The following SPHKAP variants were observed in gnomAD, a reference collection of about 807,000 sequenced individuals.
The protein encoded by SPHKAP is SPHK1 interactor, AKAP domain containing.
SPHKAP carries 67 observed loss-of-function variants against 137.5 expected under a neutral mutation model. The ratio of observed to expected loss-of-function variants is 0.49; its 90% CI spans 0.40 to 0.60. SPHKAP has a LOEUF of 0.60. Among genes scored for constraint, SPHKAP ranks in the 20% least tolerant of loss-of-function variants. The pLI is 0.00. For missense variants in SPHKAP, 2,097 were observed against 2,069.3 expected, an observed-to-expected ratio of 1.01 and a Z score of -0.26; for synonymous variants, 813 against 785.3, an observed-to-expected ratio of 1.04 and a Z score of -0.59.
chr2:228,161,709 A>G (rs78978623), intron 1 of SPHKAP, among the ~76,000 whole-genome samples: 87 of 39,942 alleles, frequency 2.2e-3, no homozygotes, highest in Admixed American at 3.8e-3. Context: ...AAATAGAACA[A>G]AATAAAATAA....
chr2:228,082,541 G>A (rs1697396583), intron 3 of SPHKAP, among the ~76,000 whole-genome samples: 1 of 152,200 alleles, frequency 6.6e-6, no homozygotes, highest in Non-Finnish European at 1.5e-5. Context: ...GTGCATTTGT[G>A]AAATCGCTAA....
At chr2:228,092,429 ATG>A (rs563009678) in intron 3 of SPHKAP, among the ~76,000 whole-genome samples, 38 of 120,978 alleles carry the variant, frequency 3.1e-4, no homozygotes, top group African/African-American at 1.2e-3. Flanking sequence ...ATATACATAT[ATG>A]TATATATGTG....
In SPHKAP at chr2:228,033,943, G is replaced by A. The variant is rs182127330; in HGVS notation, c.247-6400C>T. 1.6e-3 allele frequency among the ~76,000 whole-genome samples: 236 copies of A among 152,136 alleles called. 1 individual carries two copies. The highest frequency in any genetic ancestry group is 3.4e-3 in the Middle Eastern group (1 of 294). On this transcript the variant is annotated intron_variant, in intron 3 of 11. Transcript: ENST00000392056. ...GAGAAAGCAGGAAAAATCCAAAATC[G>A]ACACCCTAACGTCACAATTAAAAGA... is the stretch of plus-strand genomic sequence containing the variant.
rs574300836 is a variant in SPHKAP, at chr2:228,138,584, T to C, written c.33-6499A>G. The stretch of plus-strand genomic sequence containing the variant: ...AATCCTCATTTATTCTGTAGGATTT[T>C]AGAAAATGTGTCATAGGAAACTATT... On this transcript the variant is annotated intron_variant, in intron 1 of 11. Coordinates refer to ENST00000392056, the MANE Select transcript of SPHKAP (RefSeq NM_001142644.2). Among the ~76,000 whole-genome samples, 17 of 152,310 alleles carry C rather than the reference T, an allele frequency of 1.1e-4. No individual in the cohort carries two copies. The East Asian group carries it at 2.1e-3, about 19-fold the overall frequency.
At chr2:228,082,486 A>C (rs1574832958) in intron 3 of SPHKAP, among the ~76,000 whole-genome samples, 1 of 152,206 alleles carries the variant, frequency 6.6e-6, no homozygotes, top group South Asian at 2.1e-4. Flanking sequence ...AAGTGGGCAG[A>C]AAAATTCTCA....
chr2:228,109,005 C>CT, intron 2 of SPHKAP, 66 bp from the exon 3 acceptor site: 3 of 974,082 alleles, frequency 3.1e-6, no homozygotes, highest in South Asian at 2.0e-5. Context: ...GCAGCTCTCT[C>CT]TCTTTTTTTT....
At chr2:228,055,159 A>AAAAAAAAAAAGG (rs1696394892) in intron 3 of SPHKAP, among the ~76,000 whole-genome samples, 2 of 148,124 alleles carry the variant, frequency 1.4e-5, no homozygotes, top group Admixed American at 6.7e-5. Context: ...AAAAAAAAAA[A>AAAAAAAAAAAGG]GTGGTTTGAA....
chr2:228,161,078 G>A (rs754306044), intron 1 of SPHKAP, among the ~76,000 whole-genome samples: 1 of 152,206 alleles, frequency 6.6e-6, no homozygotes, highest in Non-Finnish European at 1.5e-5. Context: ...AAGTACAAAT[G>A]TGTCACTGTC....
chr2:228,125,264 G>A (rs1276160516), intron 2 of SPHKAP, among the ~76,000 whole-genome samples: 1 of 152,056 alleles, frequency 6.6e-6, no homozygotes, highest in Non-Finnish European at 1.5e-5. Flanking sequence ...CAGCTATTGT[G>A]GAAATATGAC....
At chr2:228,169,367 GT>G (rs1306985404) in intron 1 of SPHKAP, among the ~76,000 whole-genome samples, 7 of 152,126 alleles carry the variant, frequency 4.6e-5, no homozygotes, top group Non-Finnish European at 8.8e-5. Flanking sequence ...CACTTTTTAA[GT>G]GCTAATGCAG....
intron 2 of SPHKAP, among the ~76,000 whole-genome samples, chr2:228,126,799 T>G (rs1213186146): frequency 6.6e-6 from 1 of 152,150 alleles, no homozygotes; most frequent in Non-Finnish European, 1.5e-5. Flanking sequence ...AGCTGCAGCT[T>G]CCAGGGACCA....
chr2:228,049,222 T>G (rs1696170529), intron 3 of SPHKAP, among the ~76,000 whole-genome samples: 2 of 152,236 alleles, frequency 1.3e-5, no homozygotes, highest in African/African-American at 4.8e-5. Context: ...GTGTTACTGT[T>G]ACTTCTCCAA....
intron 3 of SPHKAP, among the ~76,000 whole-genome samples, chr2:228,041,742 A>T (rs1351730517): frequency 6.6e-6 from 1 of 151,960 alleles, no homozygotes; most frequent in Non-Finnish European, 1.5e-5. Flanking sequence ...GAGTAACTGT[A>T]TTACTCTATG....
At position 228,152,621 on chromosome 2, in the gene SPHKAP, G is replaced by A. The variant is rs150592676; in HGVS notation, c.33-20536C>T. ...GCTGATATATTTGGGTCCATTTAAT[G>A]TCTGCTTTCCTACAATCCCATCTCT... is the stretch of plus-strand genomic sequence containing the variant. On this transcript the variant is annotated intron_variant, in intron 1 of 11. Transcript: ENST00000392056. 5.0e-3 allele frequency among the ~76,000 whole-genome samples: 764 copies of A among 151,474 alleles called. 7 individuals carry two copies. The highest frequency in any genetic ancestry group is 0.017 in the African/African-American group (711 of 41,372).
At chr2:228,035,301 A>C (rs1408176876) in intron 3 of SPHKAP, among the ~76,000 whole-genome samples, 1 of 151,574 alleles carries the variant, frequency 6.6e-6, no homozygotes, top group African/African-American at 2.4e-5. Context: ...AGAGAATAAA[A>C]TACCTAGGAA....
At chr2:228,152,231 T>G (rs961822344) in intron 1 of SPHKAP, among the ~76,000 whole-genome samples, 4 of 152,192 alleles carry the variant, frequency 2.6e-5, no homozygotes, top group Non-Finnish European at 5.9e-5. Context: ...CTGGTTGTGA[T>G]ATACAAATCT....
chr2:227,982,171 G>A, intron 11 of SPHKAP: 1 of 984,350 alleles, frequency 1.0e-6, no homozygotes, highest in Non-Finnish European at 1.2e-6. Context: ...GTTTTCTTGG[G>A]TCTGCTTTTT....
chr2:228,082,719 T>C (rs1305929399), intron 3 of SPHKAP, among the ~76,000 whole-genome samples: 1 of 152,222 alleles, frequency 6.6e-6, no homozygotes, highest in African/African-American at 2.4e-5. Flanking sequence ...TTGGCTCCAC[T>C]ATTTACTAGC....
rs1205823459 is a variant in SPHKAP at position 228,017,173 on chromosome 2, A to T, written c.3681T>A (p.Ser1227=). Residue 1227 remains serine, a synonymous_variant, in exon 7 of 12, where the codon TCT becomes TCA. Coordinates refer to ENST00000392056, the MANE Select transcript of SPHKAP (RefSeq NM_001142644.2). ...QDWTAGLLSP[S]LRSPVCHRQS... is the part of the protein sequence containing the mutation. The stretch of plus-strand genomic sequence containing the variant: ...GTCTGTGGCACACTGGGGATCGCAG[A>T]GAAGGAGACAGCAGGCCGGCTGTCC... 1 of 1,613,786 alleles carries T rather than the reference A, an allele frequency of 6.2e-7. No individual in the cohort carries two copies.
Sources: allele counts gnomAD v4.1 joint callset (sites outside exome capture counted in the v4.1 genomes callset), GRCh38; gene constraint gnomAD v4.1.1; transcripts MANE v1.5; gene names NCBI Gene and HGNC (gene_info 2026-07-23, HGNC 2026-07-21).